Variants in SRGAP1 observed in about 807,000 individuals in gnomAD.
SRGAP1 encodes SLIT-ROBO Rho GTPase-activating protein 1.
A neutral mutation model predicts 121.9 loss-of-function variants in SRGAP1; 43 were observed. The ratio of observed to expected loss-of-function variants is 0.35; its 90% CI spans 0.28 to 0.46. The LOEUF (loss-of-function observed/expected upper bound fraction) is 0.46, where lower values mean the gene tolerates loss of function less well. Among genes scored for constraint, SRGAP1 ranks in the 20% least tolerant of loss-of-function variants. SRGAP1 has a pLI of 1.00. For missense variants in SRGAP1, 1,102 were observed against 1,350.9 expected (o/e 0.82, Z 2.89); for synonymous variants, 447 against 485.4 (o/e 0.92, Z 1.04).
intron 8 of SRGAP1, among the ~76,000 whole-genome samples, chr12:64,065,563 C>T (rs1312340933): frequency 1.3e-5 from 2 of 152,126 alleles, no homozygotes; most frequent in East Asian, 1.9e-4. Context: ...TTTTGACTAA[C>T]ATGTTAACTT....
rs531495840 is a variant in SRGAP1, at chr12:63,993,234, G to A, written c.426+3162G>A. ...TTTTTTGTACCCATTTATGCCTGAG[G>A]TTGCAATTTTTTTAATTTTTACAAT... On this transcript the variant is annotated intron_variant, in intron 3 of 21. Coordinates refer to ENST00000355086, the MANE Select transcript of SRGAP1 (RefSeq NM_020762.4). 3.3e-5 allele frequency among the ~76,000 whole-genome samples: 5 copies of A among 152,074 alleles called. No individual in the cohort carries two copies. In the South Asian group the frequency reaches 1.0e-3, roughly 32 times the overall value.
rs10784383 is a variant in SRGAP1, at chr12:64,151,352, G to C, written c.*8680G>C. On this transcript the variant is annotated 3_prime_UTR_variant, in exon 22 of 22. Coordinates refer to ENST00000355086, the MANE Select transcript of SRGAP1 (RefSeq NM_020762.4). The stretch of plus-strand genomic sequence containing the variant: ...TTTTTAATGGCTGTATAATATTCTA[G>C]CGTATGAACACATCATTATTTAACC... The C allele has an allele frequency of 0.45, 68,593 of 151,774 alleles. 16,782 individuals are homozygous for C. Among genetic ancestry groups the C allele is most frequent in the East Asian group, 0.59 (3,038 of 5,172 alleles). 9.4% of individuals were successfully genotyped at this position (151,774 alleles called of 1,614,324 possible).
At chr12:64,032,208 C>G (rs902309410) in intron 4 of SRGAP1, among the ~76,000 whole-genome samples, 1 of 151,964 alleles carries the variant, frequency 6.6e-6, no homozygotes, top group Non-Finnish European at 1.5e-5. Flanking sequence ...CAGTGCTTCT[C>G]CCACTGGAAG....
intron 1 of SRGAP1, among the ~76,000 whole-genome samples, chr12:63,939,725 G>A (rs1371031700): frequency 6.6e-6 from 1 of 152,174 alleles, no homozygotes; most frequent in Non-Finnish European, 1.5e-5. Flanking sequence ...CTAGTGTTAA[G>A]CTAGCATCTT....
At chr12:64,070,415 T>C (rs1001479079) in intron 8 of SRGAP1, among the ~76,000 whole-genome samples, 1 of 152,206 alleles carries the variant, frequency 6.6e-6, no homozygotes, top group African/African-American at 2.4e-5. Context: ...AGACCATTTG[T>C]CCCAATATTT....
intron 4 of SRGAP1, among the ~76,000 whole-genome samples, chr12:64,025,307 C>T (rs2034630190): frequency 6.6e-6 from 1 of 152,118 alleles, no homozygotes; most frequent in Non-Finnish European, 1.5e-5. Context: ...CTAAGGCATC[C>T]TTCTATAAAG....
chr12:64,086,575 C>T (rs957629555), intron 10 of SRGAP1, among the ~76,000 whole-genome samples: 2 of 152,040 alleles, frequency 1.3e-5, no homozygotes, highest in African/African-American at 2.4e-5. Context: ...TTGAACCCTC[C>T]CAACTGTATT....
At chr12:64,048,667 C>G (rs988078669) in intron 6 of SRGAP1, among the ~76,000 whole-genome samples, 14 of 152,026 alleles carry the variant, frequency 9.2e-5, no homozygotes, top group African/African-American at 3.4e-4. Context: ...GGCTTTAGTT[C>G]TTTCCTGCCT....
chr12:63,982,161 A>T (rs1234630545), intron 1 of SRGAP1, among the ~76,000 whole-genome samples: 1 of 152,020 alleles, frequency 6.6e-6, no homozygotes, highest in Non-Finnish European at 1.5e-5. Context: ...CAGTGAGCCG[A>T]GATCGCGCCA....
At chr12:64,090,991 G>A (rs1480213697) in intron 11 of SRGAP1, among the ~76,000 whole-genome samples, 1 of 152,182 alleles carries the variant, frequency 6.6e-6, no homozygotes, top group Non-Finnish European at 1.5e-5. Flanking sequence ...TGGCCAAATA[G>A]CTAACGAGTC....
intron 3 of SRGAP1, among the ~76,000 whole-genome samples, chr12:64,015,949 T>TA (rs2034390603): frequency 6.6e-6 from 1 of 152,236 alleles, no homozygotes; most frequent in Non-Finnish European, 1.5e-5. Flanking sequence ...TAAAATAACT[T>TA]ACAGCTTTTG....
intron 2 of SRGAP1, among the ~76,000 whole-genome samples, chr12:63,988,596 A>G (rs1264901389): frequency 6.6e-6 from 1 of 152,196 alleles, no homozygotes; most frequent in Non-Finnish European, 1.5e-5. Context: ...GACTTAATGC[A>G]GTATTAAATC....
At chr12:64,022,863 C>T (rs1271526932) in intron 4 of SRGAP1, among the ~76,000 whole-genome samples, 3 of 152,104 alleles carry the variant, frequency 2.0e-5, no homozygotes, top group African/African-American at 7.2e-5. Flanking sequence ...CAAGTCCTTC[C>T]TCTCAAGGCA....
rs1459843034 is a variant in SRGAP1 at position 64,157,770 on chromosome 12, G to C, written c.*15098G>C. On this transcript the variant is annotated 3_prime_UTR_variant, in exon 22 of 22. Transcript: ENST00000355086. ...AATTGTTAGCTGTGTGATTTCACAA[G>C]AGATAACTGATGCTAGCTGCTGTAA... 1 of 151,436 alleles carries C rather than the reference G, an allele frequency of 6.6e-6. No individual in the cohort carries two copies. The highest frequency in any genetic ancestry group is 1.5e-5 in the Non-Finnish European group (1 of 67,860). The allele number at this position is 151,436 out of a possible 1,614,324, so 9.4% of individuals were successfully genotyped here.
intron 8 of SRGAP1, among the ~76,000 whole-genome samples, chr12:64,074,363 A>C (rs1397463308): frequency 6.6e-6 from 1 of 152,190 alleles, no homozygotes; most frequent in Non-Finnish European, 1.5e-5. Flanking sequence ...TTGATTCTCA[A>C]TTAAGTGTGG....
rs2037180816 is a variant in SRGAP1 at position 64,158,307 on chromosome 12, T to C, written c.*15635T>C. The C allele has an allele frequency of 6.6e-6, 1 of 152,200 alleles. No homozygotes were observed. The highest frequency in any genetic ancestry group is 2.4e-5 in the African/African-American group (1 of 41,442). 9.4% of individuals were successfully genotyped at this position (152,200 alleles called of 1,614,324 possible). ...ATTCCAAAAACTTAAAAATTTCTCA[T>C]TTCTGGTTTGTCAGGGATGAAATAC... is the stretch of plus-strand genomic sequence containing the variant. On this transcript the variant is annotated 3_prime_UTR_variant, in exon 22 of 22. Transcript: ENST00000355086.
intron 1 of SRGAP1, among the ~76,000 whole-genome samples, chr12:63,856,345 G>T (rs920527402): frequency 6.6e-6 from 1 of 152,050 alleles, no homozygotes; most frequent in African/African-American, 2.4e-5. Flanking sequence ...CTGTTCACAT[G>T]TATCAATTAT....
At chr12:63,925,526 G>C (rs1030851248) in intron 1 of SRGAP1, among the ~76,000 whole-genome samples, 6 of 152,118 alleles carry the variant, frequency 3.9e-5, no homozygotes, top group Admixed American at 1.3e-4. Flanking sequence ...TTAAAATTTT[G>C]GGGGAAGTAT....
chr12:64,144,423 T>C lies in SRGAP1; in HGVS notation c.*1751T>C, dbSNP rs915220395. The C allele has an allele frequency of 6.6e-6, 1 of 152,200 alleles. No homozygotes were observed. The highest frequency in any genetic ancestry group is 2.4e-5 in the African/African-American group (1 of 41,452). The allele number at this position is 152,200 out of a possible 1,614,324, so 9.4% of individuals were successfully genotyped here. On this transcript the variant is annotated 3_prime_UTR_variant, in exon 22 of 22. Coordinates refer to ENST00000355086, the MANE Select transcript of SRGAP1 (RefSeq NM_020762.4). ...TCGTGCAGAAAAGAACTGGGATCTG[T>C]ACTAAAATCAAGATCATTACTTTGA...
Sources: allele counts gnomAD v4.1 joint callset (sites outside exome capture counted in the v4.1 genomes callset), GRCh38; gene constraint gnomAD v4.1.1; transcripts MANE v1.5; gene names NCBI Gene and HGNC (gene_info 2026-07-23, HGNC 2026-07-21).